The following RNF220 variants were observed in gnomAD, a reference collection of about 807,000 sequenced individuals.
RNF220 encodes the protein E3 ubiquitin-protein ligase RNF220.
In RNF220, 7 loss-of-function variants were observed where a neutral mutation model predicts 67.1. That is an observed-to-expected ratio of 0.10 (90% CI 0.06 to 0.20). The LOEUF is 0.20. Ranked by LOEUF, RNF220 falls within the 10% of genes least tolerant of loss-of-function variation. The pLI is 1.00. For synonymous variants in RNF220, 270 were observed against 283.2 expected (o/e 0.95, Z 0.47); for missense variants, 565 against 740.3 (o/e 0.76, Z 2.75).
At chr1:44,539,176 G>A (rs879264709) in intron 2 of RNF220, among the ~76,000 whole-genome samples, 9 of 151,422 alleles carry the variant, frequency 5.9e-5, no homozygotes, top group Non-Finnish European at 1.0e-4. Context: ...AGCCAAGATC[G>A]CACCACTGCA....
Position 44,565,420 on chromosome 1 carries a change from G to A in RNF220, c.626-48745G>A, listed in dbSNP as rs2148300968. On this transcript the variant is annotated intron_variant, in intron 2 of 14. Transcript: ENST00000361799. The surrounding 1 kb of genome is among the most constrained non-coding windows in gnomAD (Gnocchi z 4.2). ...AGCCAGGGAGTAATGGAGTTAGGGA[G>A]GAAGGGCCCAGGCAGAGCCAGAGAG... 6.6e-6 allele frequency among the ~76,000 whole-genome samples: 1 copy of A among 152,322 alleles called. No homozygotes were observed. Among genetic ancestry groups the A allele is most frequent in the African/African-American group, 2.4e-5 (1 of 41,556 alleles).
At chr1:44,539,412 G>A (rs911675001) in intron 2 of RNF220, among the ~76,000 whole-genome samples, 11 of 151,800 alleles carry the variant, frequency 7.2e-5, no homozygotes, top group Admixed American at 2.6e-4. Context: ...TTATTCTTTT[G>A]TTTTCATTCA....
intron 2 of RNF220, among the ~76,000 whole-genome samples, chr1:44,599,328 T>C (rs1183826217): frequency 6.6e-6 from 1 of 152,170 alleles, no homozygotes; most frequent in African/African-American, 2.4e-5. Flanking sequence ...AGAGAGTAGT[T>C]AATTATTAGG....
chr1:44,480,567 A>G (rs2148020130), intron 2 of RNF220, among the ~76,000 whole-genome samples: 1 of 152,328 alleles, frequency 6.6e-6, no homozygotes, highest in Middle Eastern at 3.4e-3. Context: ...AGGAATGGAC[A>G]ATAGAGATCA....
Position 44,645,432 on chromosome 1 carries a change from T to C in RNF220, c.1389T>C (p.Gly463=), listed in dbSNP as rs1204230844. 5 of 1,613,362 alleles carry C rather than the reference T, an allele frequency of 3.1e-6. No individual in the cohort carries two copies. In the Admixed American group the frequency reaches 8.3e-5, roughly 27 times the overall value. Residue 463 remains glycine (G), a synonymous_variant, in exon 12 of 15, where the codon GGT becomes GGC. Coordinates refer to ENST00000361799, the MANE Select transcript of RNF220 (RefSeq NM_018150.4). The surrounding 1 kb of genome is among the most constrained non-coding windows in gnomAD (Gnocchi z 5.0). The part of the protein sequence containing the change: ...ASDEMPSTSN[G]ESSKQEAMQK... ...CAGAGATGCCATCCACCAGCAATGGTGAAAGCAGCAAGCAGGAGGCCATGC... is the reference window on the plus strand; with the variant it reads ...CAGAGATGCCATCCACCAGCAATGGCGAAAGCAGCAAGCAGGAGGCCATGC...
chr1:44,432,369 C>G (rs976466591), intron 2 of RNF220, among the ~76,000 whole-genome samples: 1 of 149,312 alleles, frequency 6.7e-6, no homozygotes. Flanking sequence ...CCCCCAGGTT[C>G]AAGTGATTCT....
chr1:44,512,872 G>C (rs769554700), intron 2 of RNF220, among the ~76,000 whole-genome samples: 2 of 152,136 alleles, frequency 1.3e-5, no homozygotes, highest in Non-Finnish European at 2.9e-5. Flanking sequence ...CAGTGAGCTC[G>C]GTGGCTCCTG....
At chr1:44,541,193 C>T (rs1008115081) in intron 2 of RNF220, among the ~76,000 whole-genome samples, 9 of 152,064 alleles carry the variant, frequency 5.9e-5, no homozygotes, top group African/African-American at 1.2e-4. Flanking sequence ...TTCAGGAGAC[C>T]GAGGTGGGTG....
intron 2 of RNF220, among the ~76,000 whole-genome samples, chr1:44,535,062 GGGCTGGGAACT>G (rs1661099495): frequency 6.6e-6 from 1 of 152,082 alleles, no homozygotes; most frequent in Non-Finnish European, 1.5e-5. Flanking sequence ...TCGGGGGTAG[GGGCTGGGAACT>G]GGGGGAACAA....
chr1:44,635,547 C>T lies in RNF220; in HGVS notation c.952C>T (p.Arg318Trp), dbSNP rs771006328. ...TTGTTTTCGGTTTCCCCGTGCAGCT[C>T]GGATTGGGAAAATGAAACGGAGGAA... ...RANRQTRLNARIGKMKRRKQD... is the reference protein window; with the variant it reads ...RANRQTRLNAWIGKMKRRKQD... The change falls in exon 7 of 15, where the codon CGG (arginine) becomes TGG (tryptophan). Residue 318 changes from arginine to tryptophan, a missense_variant and splice_region_variant. Coordinates refer to ENST00000361799, the MANE Select transcript of RNF220 (RefSeq NM_018150.4). The T allele has an allele frequency of 8.1e-6, 13 of 1,613,796 alleles. No individual in the cohort carries two copies. Among genetic ancestry groups the T allele is most frequent in the Non-Finnish European group, 9.3e-6 (11 of 1,179,900 alleles).
At chr1:44,437,774 C>G (rs1353741619) in intron 2 of RNF220, among the ~76,000 whole-genome samples, 1 of 152,174 alleles carries the variant, frequency 6.6e-6, no homozygotes, top group Admixed American at 6.5e-5. Flanking sequence ...TCTGCAATGT[C>G]CTTTTCATTG....
chr1:44,583,403 A>G (rs937720221), intron 2 of RNF220, among the ~76,000 whole-genome samples: 1 of 152,122 alleles, frequency 6.6e-6, no homozygotes, highest in East Asian at 1.9e-4. Flanking sequence ...TCCCACTGAC[A>G]ATTTTAGCTT....
intron 2 of RNF220, among the ~76,000 whole-genome samples, chr1:44,431,693 T>C (rs908240338): frequency 6.6e-6 from 1 of 151,970 alleles, no homozygotes; most frequent in African/African-American, 2.4e-5. Flanking sequence ...GAAGACTACA[T>C]CCCTGGCCAT....
intron 1 of RNF220, among the ~76,000 whole-genome samples, chr1:44,407,572 G>C (rs1002128858): frequency 6.6e-6 from 1 of 152,088 alleles, no homozygotes; most frequent in Admixed American, 6.5e-5. Flanking sequence ...ACGGGGCGGC[G>C]CCGCGTCGCG....
chr1:44,441,998 C>T (rs539417759), intron 2 of RNF220, among the ~76,000 whole-genome samples: 1 of 152,278 alleles, frequency 6.6e-6, no homozygotes, highest in South Asian at 2.1e-4. Flanking sequence ...GGTCAGGAAA[C>T]CCTTAAATAC....
At chr1:44,531,431 C>A (rs187302963) in intron 2 of RNF220, among the ~76,000 whole-genome samples, 26 of 152,348 alleles carry the variant, frequency 1.7e-4, no homozygotes, top group African/African-American at 6.3e-4. Context: ...CCCTGGTGGA[C>A]TCACTCCGTT....
At chr1:44,591,257 A>G (rs1417935991) in intron 2 of RNF220, among the ~76,000 whole-genome samples, 1 of 152,192 alleles carries the variant, frequency 6.6e-6, no homozygotes, top group Non-Finnish European at 1.5e-5. Context: ...CCAGCCAGGA[A>G]CAACATGTTT....
At chr1:44,454,113 G>A (rs1180872205) in intron 2 of RNF220, among the ~76,000 whole-genome samples, 1 of 152,088 alleles carries the variant, frequency 6.6e-6, no homozygotes, top group Non-Finnish European at 1.5e-5. Flanking sequence ...AAGTCTCAGG[G>A]ATCTTCACAT....
intron 2 of RNF220, among the ~76,000 whole-genome samples, chr1:44,491,407 G>T (rs1656841796): frequency 6.6e-6 from 1 of 152,040 alleles, no homozygotes; most frequent in South Asian, 2.1e-4. Context: ...GTGACCACGT[G>T]GGATTAACTC....
Sources: allele counts gnomAD v4.1 joint callset (sites outside exome capture counted in the v4.1 genomes callset), GRCh38; gene constraint gnomAD v4.1.1; non-coding constraint Gnocchi (gnomAD v3.1); transcripts MANE v1.5; gene names NCBI Gene and HGNC (gene_info 2026-07-23, HGNC 2026-07-21).